PKD1L3: variants seen among roughly 807,000 people sequenced by gnomAD.
The protein encoded by PKD1L3 is polycystin-1-like protein 3.
PKD1L3 carries 239 observed loss-of-function variants against 184.1 expected under a neutral mutation model. The observed-to-expected ratio is 1.30, with a 90% confidence interval of 1.17 to 1.45. PKD1L3 has a LOEUF of 1.45. PKD1L3 is among the 40% of genes most tolerant of loss of function. PKD1L3 has a pLI of 0.00. For synonymous variants in PKD1L3, 996 were observed against 778.8 expected (o/e 1.28, Z -4.64); for missense variants, 2,660 against 2,067.2 (o/e 1.29, Z -5.56).
At position 71,970,018 on chromosome 16, in the gene PKD1L3, T is replaced by C; in HGVS notation, c.2041A>G (p.Thr681Ala). 1 of 1,551,674 alleles carries C rather than the reference T, an allele frequency of 6.4e-7. No individual in the cohort carries two copies. Among genetic ancestry groups the C allele is most frequent in the Non-Finnish European group, 8.7e-7 (1 of 1,146,998 alleles). ...FASDFFVVPR[T>A]VNVEDTIKLF... ...TTGATCGTGTCTTCAACATTCACGGTCCTGGGCACGACAAAGAAGTCGCTG... is the reference window on the plus strand; with the variant it reads ...TTGATCGTGTCTTCAACATTCACGGCCCTGGGCACGACAAAGAAGTCGCTG... Residue 681 changes from threonine (T) to alanine (A), a missense_variant, in exon 13 of 30, where the codon ACC (threonine) becomes GCC (alanine). Physicochemically the swap from Thr to Ala is moderately conservative, Grantham distance 58. Transcript: ENST00000620267.
chr16:71,989,431 G>T (rs138262778), intron 4 of PKD1L3, among the ~76,000 whole-genome samples: 3,326 of 152,368 alleles, frequency 0.022, 117 homozygotes, highest in African/African-American at 0.076. Flanking sequence ...GGGATTACGG[G>T]CGTGAGCCAC....
At chr16:71,949,545 G>C (rs1247934995) in intron 21 of PKD1L3, among the ~76,000 whole-genome samples, 1 of 151,916 alleles carries the variant, frequency 6.6e-6, no homozygotes, top group Admixed American at 6.6e-5. Flanking sequence ...TAGACATGGA[G>C]TTTCATCATG....
intron 11 of PKD1L3, 86 bp downstream of exon 11, chr16:71,977,150 C>A: frequency 9.7e-7 from 1 of 1,032,228 alleles, no homozygotes. Context: ...CAGTTTGAGG[C>A]TGCAGTCAAC....
chr16:71,931,822 T>C (rs952160), intron 28 of PKD1L3, among the ~76,000 whole-genome samples: 51,515 of 151,982 alleles, frequency 0.34, 9,344 homozygotes, highest in East Asian at 0.66. Flanking sequence ...ACATCTCTCT[T>C]ATACTTGAAA....
chr16:71,976,264 C>CTTT lies in PKD1L3; in HGVS notation c.1759+969_1759+971dup, dbSNP rs71153688. On this transcript the variant is annotated intron_variant, in intron 11 of 29. Transcript: ENST00000620267. Reference sequence around the variant, plus strand: ...ATGAGCCACTGAGTGCCCAGCCTGTCTTTTTTTTTTTTTTTTAAGACAGTC... The same window carrying CTTT: ...ATGAGCCACTGAGTGCCCAGCCTGTCTTTTTTTTTTTTTTTTTTTAAGACAGTC... Among the ~76,000 whole-genome samples the CTTT allele has an allele frequency of 5.7e-4, 47 of 81,770 alleles. 1 individual carries two copies. The highest frequency in any genetic ancestry group is 1.7e-3 in the South Asian group (3 of 1,812). The allele number at this position is 81,770 out of a possible 152,430, so 53.6% of individuals were successfully genotyped here.
Position 71,933,902 on chromosome 16 carries a change from C to T in PKD1L3, c.4824+13G>A, listed in dbSNP as rs770725333. ...GCACACGGAGAAGGAGAGACAGCAA[C>T]GTGGGGGCTTACGGCAATGGCATAG... On this transcript the variant is annotated intron_variant, in intron 27 of 29. Coordinates refer to ENST00000620267, the MANE Select transcript of PKD1L3 (RefSeq NM_181536.2). The T allele has an allele frequency of 9.7e-6, 15 of 1,549,054 alleles. No individual in the cohort carries two copies. Among genetic ancestry groups the T allele is most frequent in the East Asian group, 4.9e-5 (2 of 40,860 alleles).
chr16:71,974,940 G>A (rs1432170087), intron 11 of PKD1L3, among the ~76,000 whole-genome samples: 1 of 151,906 alleles, frequency 6.6e-6, no homozygotes, highest in Admixed American at 6.6e-5. Flanking sequence ...TTTTCCCAAC[G>A]TAAAAATAAA....
At chr16:71,998,480 C>A in intron 1 of PKD1L3, 86 bp from the exon 2 acceptor site, 1 of 1,464,140 alleles carries the variant, frequency 6.8e-7, no homozygotes, top group Non-Finnish European at 9.0e-7. Context: ...TGAGACAGTC[C>A]CACTCAGTCA....
intron 16 of PKD1L3, among the ~76,000 whole-genome samples, chr16:71,956,480 A>G (rs538210669): frequency 6.6e-6 from 1 of 152,274 alleles, no homozygotes; most frequent in South Asian, 2.1e-4. Flanking sequence ...GGTGTGAGCC[A>G]CCGCACCCGG....
Position 71,986,372 on chromosome 16 carries a change from G to T in PKD1L3, c.683C>A (p.Pro228His). The T allele has an allele frequency of 6.4e-7, 1 of 1,551,308 alleles. No homozygotes were observed. The change falls in exon 5 of 30, where the codon CCT becomes CAT. Residue 228 changes from proline (P) to histidine (H), a missense_variant. Physicochemically the swap from Pro to His is moderately conservative, Grantham distance 77 (BLOSUM62 -2). Transcript: ENST00000620267. ...GGTGAGCTGTGTTATCACAGGGAGA[G>T]GCTGGCTGCTGGGTTCAGATGCGGC... ...TSAASEPSSQ[P>H]LPVITQLTMP...
At chr16:71,929,725 T>C in intron 29 of PKD1L3, 47 bp from the exon 30 acceptor site, 1 of 1,460,412 alleles carries the variant, frequency 6.8e-7, no homozygotes, top group South Asian at 1.3e-5. Flanking sequence ...TTGAAATTAC[T>C]GCTAATAGTG....
intron 18 of PKD1L3, among the ~76,000 whole-genome samples, chr16:71,952,592 T>TGGGAGGCCCAGGTGGGAGGATGGC (rs1555516712): frequency 6.8e-6 from 1 of 147,376 alleles, no homozygotes; most frequent in East Asian, 2.2e-4. Context: ...CCCAGCACTT[T>TGGGAGGCCCAGGTGGGAGGATGGC]GGGAGGCCAA....
At chr16:71,972,332 A>G (rs12443896) in intron 12 of PKD1L3, among the ~76,000 whole-genome samples, 117,893 of 152,116 alleles carry the variant, frequency 0.78, 45,981 homozygotes, top group South Asian at 0.85. Context: ...CCAGCGGGGC[A>G]GAGGTTGCGG....
chr16:71,985,179 C>T (rs186380574), intron 5 of PKD1L3, among the ~76,000 whole-genome samples: 3 of 152,200 alleles, frequency 2.0e-5, no homozygotes, highest in Admixed American at 6.5e-5. Flanking sequence ...ATATTCTGTA[C>T]TTCAGGATTT....
Position 71,930,162 on chromosome 16 carries a change from G to C in PKD1L3, c.4948C>G (p.Leu1650Val), listed in dbSNP as rs1410451094. 5.8e-6 allele frequency: 9 copies of C among 1,549,212 alleles called. No individual in the cohort carries two copies. The Admixed American group carries it at 1.8e-4, about 31-fold the overall frequency. The change falls in exon 29 of 30, where the codon CTG (leucine) becomes GTG (valine). Residue 1650 changes from leucine (L) to valine (V), a missense_variant. By Grantham distance (32) the Leu-to-Val change is conservative. Transcript: ENST00000620267. ...CTGGTGAGGATCAGAAAGGTGCCCA[G>C]GACTGGGTCTAAAGCGAAAACCTGG... ...QEEVFALDPV[L>V]GTFLILTSVI...
Position 71,954,188 on chromosome 16 carries a change from CAGCA to C in PKD1L3, c.2722_2725del (p.Cys908AlafsTer2). On this transcript the variant is annotated frameshift_variant, in exon 17 of 30. Coordinates refer to ENST00000620267, the MANE Select transcript of PKD1L3 (RefSeq NM_181536.2). LOFTEE classifies it high-confidence loss of function. Reference sequence around the variant, plus strand: ...CATGTTGCAGAGTAGCAGTGTCATGCAGCAAGACAGCCGTTGGACCCTTGTAAAC... The same window carrying C: ...CATGTTGCAGAGTAGCAGTGTCATGCAGACAGCCGTTGGACCCTTGTAAAC... The C allele has an allele frequency of 6.4e-7, 1 of 1,551,784 alleles. No individual in the cohort carries two copies. Among genetic ancestry groups the C allele is most frequent in the Non-Finnish European group, 8.7e-7 (1 of 1,146,958 alleles).
At chr16:71,979,234 C>T (rs921318183) in intron 9 of PKD1L3, among the ~76,000 whole-genome samples, 3 of 152,000 alleles carry the variant, frequency 2.0e-5, no homozygotes, top group South Asian at 2.1e-4. Flanking sequence ...ACTTGAGGTC[C>T]GTAGTTTGAG....
chr16:71,947,552 T>TG lies in PKD1L3; in HGVS notation c.3657dup (p.Arg1220GlnfsTer6), dbSNP rs1406160679. The TG allele has an allele frequency of 6.5e-7, 1 of 1,548,036 alleles. No individual in the cohort carries two copies. The highest frequency in any genetic ancestry group is 2.4e-5 in the East Asian group (1 of 40,914). On this transcript the variant is annotated frameshift_variant, in exon 22 of 30. Coordinates refer to ENST00000620267, the MANE Select transcript of PKD1L3 (RefSeq NM_181536.2). LOFTEE classifies it high-confidence loss of function. ...TTCTCTTTGTTAAGCCGTGGCATCCTGCTCATCATCAGTGAGTATAAGAAT... is the reference window on the plus strand; with the variant it reads ...TTCTCTTTGTTAAGCCGTGGCATCCTGGCTCATCATCAGTGAGTATAAGAAT...
At chr16:71,955,729 GATAACTGAA>G (rs2039020106) in intron 16 of PKD1L3, among the ~76,000 whole-genome samples, 1 of 152,124 alleles carries the variant, frequency 6.6e-6, no homozygotes, top group Admixed American at 6.5e-5. Context: ...ACCAGGTGGA[GATAACTGAA>G]TCATGGGGTC....
Sources: gnomAD v4.1 joint callset for allele counts (sites outside exome capture counted in the v4.1 genomes callset) on GRCh38, gnomAD v4.1.1 for gene constraint, MANE v1.5 for transcripts, NCBI Gene and HGNC (gene_info 2026-07-23, HGNC 2026-07-21) for gene names.